CHD6: variants seen among roughly 807,000 people sequenced by gnomAD.
The protein encoded by CHD6 is chromodomain helicase DNA binding protein 6.
In CHD6, 50 loss-of-function variants were observed where a neutral mutation model predicts 276.9. The ratio of observed to expected loss-of-function variants is 0.18; its 90% CI spans 0.14 to 0.23. The LOEUF is 0.23. CHD6 is among the 10% of genes least tolerant of loss of function. The probability of loss-of-function intolerance (pLI) is 1.00; values close to 1 mark genes in which losing one functional copy is unlikely to be tolerated. For missense variants in CHD6, 2,564 were observed against 3,365.8 expected (o/e 0.76, Z 5.89); for synonymous variants, 1,173 against 1,229.3 (o/e 0.95, Z 0.96).
At chr20:41,484,667 T>C in intron 14 of CHD6, 60 bp from the exon 15 acceptor site, 1 of 1,535,392 alleles carries the variant, frequency 6.5e-7, no homozygotes, top group African/African-American at 1.4e-5. Context: ...ATTACTGGGG[T>C]ATTCCAACCT....
In CHD6 at chr20:41,497,769, T is replaced by C. The variant is rs185446990; in HGVS notation, c.975-268A>G. On this transcript the variant is annotated intron_variant, in intron 7 of 36. Coordinates refer to ENST00000373233, the MANE Select transcript of CHD6 (RefSeq NM_032221.5). ...AGGCAGGGCAGCTGTGGGCAGGTTA[T>C]CATTAACACACATTAGTGAAAGTGG... is the stretch of plus-strand genomic sequence containing the variant. The C allele has an allele frequency of 3.0e-4, 147 of 498,020 alleles. 1 individual carries two copies. Among genetic ancestry groups the C allele is most frequent in the African/African-American group, 2.7e-3 (138 of 52,008 alleles). The allele number at this position is 498,020 out of a possible 1,614,324, so 30.9% of individuals were successfully genotyped here.
intron 15 of CHD6, among the ~76,000 whole-genome samples, chr20:41,483,943 T>C (rs1189082047): frequency 6.6e-6 from 1 of 152,240 alleles, no homozygotes. Flanking sequence ...CTAGTTTGGT[T>C]AACTGTTAAT....
chr20:41,434,946 T>C (rs1380539094), intron 27 of CHD6, among the ~76,000 whole-genome samples: 2 of 152,130 alleles, frequency 1.3e-5, no homozygotes, highest in Non-Finnish European at 2.9e-5. Flanking sequence ...CCATGGAACA[T>C]ATACCAAGAT....
At chr20:41,462,248 T>A (rs1362092517) in intron 17 of CHD6, among the ~76,000 whole-genome samples, 1 of 152,216 alleles carries the variant, frequency 6.6e-6, no homozygotes, top group Non-Finnish European at 1.5e-5. Flanking sequence ...CATCTGTATT[T>A]CTTTAATCAT....
intron 19 of CHD6, among the ~76,000 whole-genome samples, chr20:41,455,334 C>T (rs879913117): frequency 5.9e-5 from 9 of 152,192 alleles, no homozygotes; most frequent in Non-Finnish European, 1.0e-4. Context: ...GCCTAAACAG[C>T]AGAGAAAAGA....
At chr20:41,615,703 A>G (rs984335522) in intron 1 of CHD6, among the ~76,000 whole-genome samples, 1 of 152,226 alleles carries the variant, frequency 6.6e-6, no homozygotes, top group Non-Finnish European at 1.5e-5. Flanking sequence ...AAACTTGTTC[A>G]AAGAGATTCA....
chr20:41,431,776 C>CTTTTTTTT (rs61227802), intron 27 of CHD6, among the ~76,000 whole-genome samples: 2 of 104,758 alleles, frequency 1.9e-5, no homozygotes, highest in African/African-American at 7.5e-5. Context: ...AAAAAACATG[C>CTTTTTTTT]TTTTTTTTTT....
At chr20:41,461,579 T>C (rs978375041) in intron 17 of CHD6, 1 of 167,158 alleles carries the variant, frequency 6.0e-6, no homozygotes. Flanking sequence ...GCCTTTCGCC[T>C]CCCGCCATGA....
intron 25 of CHD6, among the ~76,000 whole-genome samples, chr20:41,443,147 G>A (rs2047951041): frequency 6.6e-6 from 1 of 152,178 alleles, no homozygotes; most frequent in African/African-American, 2.4e-5. Context: ...ATTGAGTGAT[G>A]AAGTGTCATC....
At chr20:41,570,873 ACT>A (rs2045409033) in intron 1 of CHD6, among the ~76,000 whole-genome samples, 1 of 151,894 alleles carries the variant, frequency 6.6e-6, no homozygotes, top group African/African-American at 2.4e-5. Context: ...GTGAACATGA[ACT>A]CTTTCTAGAT....
Position 41,473,559 on chromosome 20 carries a change from G to A in CHD6, c.2469-42C>T. On this transcript the variant is annotated intron_variant, in intron 16 of 36. Transcript: ENST00000373233. The surrounding 1 kb of genome is among the most constrained non-coding windows in gnomAD (Gnocchi z 4.1). ...GAACGAAAGCCCAGGCGTTAATCAT[G>A]ACTTCAATGGAGAACAGCACAAAAT... 6.6e-7 allele frequency: 1 copy of A among 1,521,680 alleles called. No individual in the cohort carries two copies. Among genetic ancestry groups the A allele is most frequent in the South Asian group, 1.1e-5 (1 of 88,326 alleles). The allele number at this position is 1,521,680 out of a possible 1,614,324, so 94.3% of individuals were successfully genotyped here.
At position 41,526,139 on chromosome 20, in the gene CHD6, T is replaced by A. The variant is rs572745360; in HGVS notation, c.554+6911A>T. 5.7e-4 allele frequency among the ~76,000 whole-genome samples: 86 copies of A among 152,024 alleles called. 1 individual carries two copies. The highest frequency in any genetic ancestry group is 2.6e-3 in the Admixed American group (40 of 15,274). On this transcript the variant is annotated intron_variant, in intron 3 of 36. Transcript: ENST00000373233. ...CACCAGGCCACAGAGTAAGCACTTC[T>A]GATGCTCTTAAAAAAAAAAACAAAA...
At chr20:41,551,956 G>A (rs1210114303) in intron 1 of CHD6, among the ~76,000 whole-genome samples, 2 of 151,900 alleles carry the variant, frequency 1.3e-5, no homozygotes, top group Non-Finnish European at 2.9e-5. Context: ...CAGGACATAA[G>A]CCCCCATCCC....
chr20:41,526,726 CCT>C (rs1312985363), intron 3 of CHD6, among the ~76,000 whole-genome samples: 1 of 152,282 alleles, frequency 6.6e-6, no homozygotes, highest in African/African-American at 2.4e-5. Context: ...CACTTCTTTT[CCT>C]CTTTTTGCTT....
At chr20:41,578,692 C>CA (rs11471711) in intron 1 of CHD6, among the ~76,000 whole-genome samples, 42,536 of 104,564 alleles carry the variant, frequency 0.41, 7,568 homozygotes, top group East Asian at 0.56. Context: ...GACTCCGTCT[C>CA]AAAAAAAAAA....
intron 1 of CHD6, among the ~76,000 whole-genome samples, chr20:41,585,330 C>T (rs551096196): frequency 2.6e-5 from 4 of 151,912 alleles, no homozygotes; most frequent in African/African-American, 7.2e-5. Flanking sequence ...ATGGAGAAAC[C>T]GTCTTTACTA....
At chr20:41,584,182 A>G (rs1454770545) in intron 1 of CHD6, among the ~76,000 whole-genome samples, 1 of 152,150 alleles carries the variant, frequency 6.6e-6, no homozygotes, top group Non-Finnish European at 1.5e-5. Flanking sequence ...TAATCAAAAG[A>G]AAGCTAGAGA....
At chr20:41,592,047 C>T (rs183668877) in intron 1 of CHD6, among the ~76,000 whole-genome samples, 4 of 152,106 alleles carry the variant, frequency 2.6e-5, no homozygotes, top group Admixed American at 6.5e-5. Flanking sequence ...TGTAGTGAGC[C>T]GAGATCGTGC....
At chr20:41,495,623 G>A (rs6016567) in intron 8 of CHD6, among the ~76,000 whole-genome samples, 34,970 of 151,886 alleles carry the variant, frequency 0.23, 4,196 homozygotes, top group East Asian at 0.4. Context: ...ACCCTTAGGG[G>A]GGAAAAAAGA....
Sources: gnomAD v4.1 joint callset for allele counts (sites outside exome capture counted in the v4.1 genomes callset) on GRCh38, gnomAD v4.1.1 for gene constraint, Gnocchi (gnomAD v3.1) non-coding constraint, MANE v1.5 for transcripts, NCBI Gene and HGNC (gene_info 2026-07-23, HGNC 2026-07-21) for gene names.